ASAP1: variants seen among roughly 807,000 people sequenced by gnomAD.
ASAP1 encodes the protein arf-GAP with SH3 domain, ANK repeat and PH domain-containing protein 1.
ASAP1 carries 43 observed loss-of-function variants against 145.2 expected under a neutral mutation model. The observed-to-expected ratio is 0.30, with a 90% CI of 0.23 to 0.38. ASAP1 has a LOEUF of 0.38. Among genes scored for constraint, ASAP1 ranks in the 10% least tolerant of loss-of-function variants. The probability of loss-of-function intolerance (pLI) is 1.00; values close to 1 mark genes in which losing one functional copy is unlikely to be tolerated. For synonymous variants in ASAP1, 546 were observed against 515.5 expected, an observed-to-expected ratio of 1.06 and a Z score of -0.80; for missense variants, 1,018 against 1,355.3, an observed-to-expected ratio of 0.75 and a Z score of 3.91.
chr8:130,133,464 G>A lies in ASAP1; in HGVS notation c.1217+832C>T, dbSNP rs1053343791. On this transcript the variant is annotated intron_variant, in intron 15 of 29. Transcript: ENST00000518721. ...GAGGTCAGGAGATCGAGACCATCCT[G>A]GCTAACAAGGTGAAACCCCGTCTCT... Among the ~76,000 whole-genome samples the A allele has an allele frequency of 1.3e-4, 19 of 151,788 alleles. 1 individual carries two copies. The highest frequency in any genetic ancestry group is 1.5e-5 in the Non-Finnish European group (1 of 67,942).
chr8:130,085,738 G>A (rs13250093), intron 25 of ASAP1, among the ~76,000 whole-genome samples: 83,294 of 123,966 alleles, frequency 0.67, 25,013 homozygotes, highest in African/African-American at 0.75. Flanking sequence ...TTGTCTTTAA[G>A]AAAAAAAAAA....
At chr8:130,376,296 C>T (rs1229997443) in intron 2 of ASAP1, among the ~76,000 whole-genome samples, 1 of 152,216 alleles carries the variant, frequency 6.6e-6, no homozygotes, top group African/African-American at 2.4e-5. Context: ...TGGTGGAATC[C>T]GCATCCAGGC....
chr8:130,320,526 A>G (rs1823935094), intron 3 of ASAP1, among the ~76,000 whole-genome samples: 1 of 152,048 alleles, frequency 6.6e-6, no homozygotes, highest in Admixed American at 6.6e-5. Flanking sequence ...AGCCTAGGTG[A>G]CAGAGTCAGA....
chr8:130,087,412 C>T (rs577564041), intron 25 of ASAP1, among the ~76,000 whole-genome samples: 20 of 152,134 alleles, frequency 1.3e-4, no homozygotes, highest in African/African-American at 1.2e-4. Flanking sequence ...CCCAGCTATT[C>T]GGGAGACTGA....
chr8:130,201,728 G>C (rs1377810505), intron 5 of ASAP1, among the ~76,000 whole-genome samples: 1 of 152,152 alleles, frequency 6.6e-6, no homozygotes, highest in Non-Finnish European at 1.5e-5. Flanking sequence ...TTTCTTTGTT[G>C]TACTTAAAAT....
intron 27 of ASAP1, among the ~76,000 whole-genome samples, chr8:130,066,342 C>G (rs1162271966): frequency 2.0e-5 from 3 of 152,114 alleles, no homozygotes; most frequent in Admixed American, 2.0e-4. Flanking sequence ...TAGCACAGCC[C>G]ACCTGCCTCC....
At chr8:130,142,954 GA>G (rs2097616053) in intron 13 of ASAP1, among the ~76,000 whole-genome samples, 1 of 152,184 alleles carries the variant, frequency 6.6e-6, no homozygotes, top group South Asian at 2.1e-4. Flanking sequence ...GCAATGAAAT[GA>G]GGAGGGCCTG....
At chr8:130,228,332 T>C (rs558137502) in intron 4 of ASAP1, among the ~76,000 whole-genome samples, 5 of 152,222 alleles carry the variant, frequency 3.3e-5, no homozygotes, top group Middle Eastern at 6.8e-3. Flanking sequence ...CACCCTCAAA[T>C]GTGGACAAGA....
rs188754439 is a variant in ASAP1, at chr8:130,274,523, A to T, written c.187-37529T>A. On this transcript the variant is annotated intron_variant, in intron 3 of 29. Transcript: ENST00000518721. ...CGATCTACCTTAAATCCTAAATGGA[A>T]AACAGGTAAGGGGATACTTAACCCC... Among the ~76,000 whole-genome samples the T allele has an allele frequency of 2.0e-3, 308 of 152,324 alleles. 1 individual carries two copies. The highest frequency in any genetic ancestry group is 7.1e-3 in the African/African-American group (294 of 41,584).
intron 24 of ASAP1, among the ~76,000 whole-genome samples, chr8:130,104,418 C>T (rs2097533762): frequency 6.6e-6 from 1 of 152,220 alleles, no homozygotes; most frequent in South Asian, 2.1e-4. Context: ...TTTTACCTTT[C>T]TCAGCATTCC....
intron 2 of ASAP1, among the ~76,000 whole-genome samples, chr8:130,379,229 C>T (rs1478325286): frequency 1.3e-5 from 2 of 152,180 alleles, no homozygotes; most frequent in Non-Finnish European, 2.9e-5. Flanking sequence ...GGCATGGAGA[C>T]TGTACCACCG....
At chr8:130,392,395 T>G (rs989393911) in intron 2 of ASAP1, among the ~76,000 whole-genome samples, 1 of 152,258 alleles carries the variant, frequency 6.6e-6, no homozygotes, top group African/African-American at 2.4e-5. Flanking sequence ...TTACTTATTC[T>G]AATCTTTTTC....
intron 3 of ASAP1, among the ~76,000 whole-genome samples, chr8:130,289,571 G>T (rs779348114): frequency 7.9e-5 from 12 of 152,344 alleles, no homozygotes; most frequent in Non-Finnish European, 1.3e-4. Flanking sequence ...GCGAAGACTG[G>T]AAGGCTTCAT....
At chr8:130,398,001 T>C (rs1337619504) in intron 2 of ASAP1, among the ~76,000 whole-genome samples, 1 of 152,236 alleles carries the variant, frequency 6.6e-6, no homozygotes, top group Non-Finnish European at 1.5e-5. Context: ...GTTAGATGAA[T>C]GAATCAATCA....
intron 5 of ASAP1, among the ~76,000 whole-genome samples, chr8:130,193,336 T>A (rs1056262244): frequency 6.6e-6 from 1 of 151,296 alleles, no homozygotes; most frequent in Non-Finnish European, 1.5e-5. Flanking sequence ...GCCACTGCAC[T>A]CCAGCCTGGG....
chr8:130,352,115 T>C (rs1826029492), intron 3 of ASAP1, among the ~76,000 whole-genome samples: 1 of 152,184 alleles, frequency 6.6e-6, no homozygotes, highest in Non-Finnish European at 1.5e-5. Flanking sequence ...TTGCCTTTTG[T>C]TGTATTATCT....
intron 3 of ASAP1, 88 bp downstream of exon 3, chr8:130,357,929 T>C: frequency 1.3e-6 from 2 of 1,489,108 alleles, no homozygotes; most frequent in South Asian, 2.4e-5. Context: ...GGCCCCCGCG[T>C]CCCCTTCCTC....
At chr8:130,315,261 C>T (rs771428285) in intron 3 of ASAP1, among the ~76,000 whole-genome samples, 36 of 151,606 alleles carry the variant, frequency 2.4e-4, no homozygotes, top group Non-Finnish European at 4.7e-4. Flanking sequence ...GAAACAAAAC[C>T]AAAAAAAGTC....
intron 13 of ASAP1, among the ~76,000 whole-genome samples, chr8:130,151,485 AT>A (rs1386440390): frequency 1.3e-5 from 2 of 149,972 alleles, no homozygotes; most frequent in Non-Finnish European, 3.0e-5. Context: ...TGTAGACAGG[AT>A]TTCTGATATC....
Sources: gnomAD v4.1 joint callset for allele counts (sites outside exome capture counted in the v4.1 genomes callset) on GRCh38, gnomAD v4.1.1 for gene constraint, MANE v1.5 for transcripts, NCBI Gene and HGNC (gene_info 2026-07-23, HGNC 2026-07-21) for gene names.